UTRN: variants seen among roughly 807,000 people sequenced by gnomAD.
The protein encoded by UTRN is utrophin.
Under a neutral mutation model 463.9 loss-of-function variants are expected in UTRN, and 283 were observed. The ratio of observed to expected loss-of-function variants is 0.61; its 90% confidence interval spans 0.55 to 0.67. The LOEUF is 0.67. Ranked by LOEUF, UTRN falls within the 30% of genes least tolerant of loss-of-function variation. The probability of loss-of-function intolerance (pLI) is 0.00; values close to 1 mark genes in which losing one functional copy is unlikely to be tolerated. For synonymous variants in UTRN, 1,442 were observed against 1,431.5 expected (o/e 1.01, Z -0.17); for missense variants, 3,922 against 4,084.3 (o/e 0.96, Z 1.08).
At chr6:144,727,023 A>C (rs1295674733) in intron 53 of UTRN, among the ~76,000 whole-genome samples, 1 of 152,160 alleles carries the variant, frequency 6.6e-6, no homozygotes, top group African/African-American at 2.4e-5. Context: ...CACAATGCAC[A>C]TTTTGTGGAC....
At chr6:144,641,825 A>G (rs1284858474) in intron 51 of UTRN, among the ~76,000 whole-genome samples, 1 of 152,238 alleles carries the variant, frequency 6.6e-6, no homozygotes, top group African/African-American at 2.4e-5. Context: ...ATTGCCATGA[A>G]TAAAGCGGTT....
Position 144,474,772 on chromosome 6 carries a change from A to T in UTRN, c.3336+13A>T. 6.2e-7 allele frequency: 1 copy of T among 1,610,558 alleles called. No individual in the cohort carries two copies. The highest frequency in any genetic ancestry group is 1.3e-5 in the African/African-American group (1 of 74,794). Reference sequence around the variant, plus strand: ...ACTTAGCAAGGAGGTGAGTTTTTCAACTTTACTACCTACGGTTTTCAGGAG... The same window carrying T: ...ACTTAGCAAGGAGGTGAGTTTTTCATCTTTACTACCTACGGTTTTCAGGAG... On this transcript the variant is annotated intron_variant, in intron 25 of 74. Transcript: ENST00000367545.
rs552875361 is a variant in UTRN at position 144,433,466 on chromosome 6, C to T, written c.856-2469C>T. Among the ~76,000 whole-genome samples, 38 of 142,458 alleles carry T rather than the reference C, an allele frequency of 2.7e-4. 1 individual carries two copies. Among genetic ancestry groups the T allele is most frequent in the South Asian group, 7.0e-4 (3 of 4,300 alleles). The allele number at this position is 142,458 out of a possible 152,430, so 93.5% of individuals were successfully genotyped here. ...GCGGAGGGGCTCCTCACTTCTCAGA[C>T]GGGGCGGTTGCCAGGCAGAGGGTCT... is the stretch of plus-strand genomic sequence containing the variant. On this transcript the variant is annotated intron_variant, in intron 9 of 74. Coordinates refer to ENST00000367545, the MANE Select transcript of UTRN (RefSeq NM_007124.3).
Position 144,415,329 on chromosome 6 carries a change from A to G in UTRN, c.142-6549A>G, listed in dbSNP as rs914383683. On this transcript the variant is annotated intron_variant, in intron 3 of 74. Coordinates refer to ENST00000367545, the MANE Select transcript of UTRN (RefSeq NM_007124.3). ...TGCCGTGAAGTCAAGAGCTGCTTTC[A>G]CCAGCCTTGATTTTCGCATACTGTA... Among the ~76,000 whole-genome samples, 6 of 152,188 alleles carry G rather than the reference A, an allele frequency of 3.9e-5. 1 individual carries two copies. Among genetic ancestry groups the G allele is most frequent in the Admixed American group, 2.6e-4 (4 of 15,278 alleles).
At chr6:144,834,446 T>G (rs763315849) in intron 69 of UTRN, among the ~76,000 whole-genome samples, 1 of 152,218 alleles carries the variant, frequency 6.6e-6, no homozygotes, top group African/African-American at 2.4e-5. Context: ...ACGTTCAGTT[T>G]TCTCAATTGC....
chr6:144,555,650 G>A (rs913906129), intron 49 of UTRN, among the ~76,000 whole-genome samples: 9 of 152,140 alleles, frequency 5.9e-5, no homozygotes, highest in African/African-American at 2.2e-4. Context: ...AGGCTTGTCT[G>A]CAATTCCTGA....
intron 2 of UTRN, among the ~76,000 whole-genome samples, chr6:144,338,614 A>C (rs1776911323): frequency 6.6e-6 from 1 of 152,138 alleles, no homozygotes; most frequent in South Asian, 2.1e-4. Flanking sequence ...GGGCAGGTGC[A>C]GGTTAATAGA....
chr6:144,717,010 A>G (rs1786536821), intron 53 of UTRN, among the ~76,000 whole-genome samples: 1 of 152,246 alleles, frequency 6.6e-6, no homozygotes, highest in Non-Finnish European at 1.5e-5. Context: ...ATATATTCCC[A>G]AAAGTGAAAT....
At chr6:144,796,068 C>T (rs974489234) in intron 63 of UTRN, among the ~76,000 whole-genome samples, 6 of 152,174 alleles carry the variant, frequency 3.9e-5, no homozygotes, top group African/African-American at 1.4e-4. Flanking sequence ...AGTCTTTAAT[C>T]CATCTTGAGT....
At chr6:144,828,034 A>G (rs2128756497) in intron 68 of UTRN, among the ~76,000 whole-genome samples, 1 of 152,264 alleles carries the variant, frequency 6.6e-6, no homozygotes, top group South Asian at 2.1e-4. Flanking sequence ...ATGTAATTAA[A>G]TTTATGCTAA....
At chr6:144,712,170 C>G (rs1005238757) in intron 53 of UTRN, among the ~76,000 whole-genome samples, 1 of 152,212 alleles carries the variant, frequency 6.6e-6, no homozygotes, top group Non-Finnish European at 1.5e-5. Context: ...TCTGTGTTGA[C>G]TTACTCCTTA....
intron 58 of UTRN, among the ~76,000 whole-genome samples, chr6:144,765,680 G>A (rs1268541272): frequency 2.0e-5 from 3 of 152,090 alleles, no homozygotes; most frequent in Non-Finnish European, 4.4e-5. Context: ...CCAAATGCTG[G>A]GATTACAGAC....
intron 51 of UTRN, among the ~76,000 whole-genome samples, chr6:144,603,102 T>A (rs186180853): frequency 6.6e-6 from 1 of 152,324 alleles, no homozygotes; most frequent in African/African-American, 2.4e-5. Context: ...TTTTGTTTGA[T>A]TCTCCCTAAT....
intron 41 of UTRN, among the ~76,000 whole-genome samples, chr6:144,525,231 C>A (rs1294580744): frequency 6.6e-6 from 1 of 152,092 alleles, no homozygotes; most frequent in South Asian, 2.1e-4. Context: ...CCCTCTTTCT[C>A]TATCTTTTGG....
chr6:144,633,465 G>A (rs1413724113), intron 51 of UTRN, among the ~76,000 whole-genome samples: 1 of 151,388 alleles, frequency 6.6e-6, no homozygotes, highest in African/African-American at 2.4e-5. Flanking sequence ...ATCTCCTGAC[G>A]TCGTGATCCG....
At chr6:144,399,723 T>C (rs2114788610) in intron 2 of UTRN, among the ~76,000 whole-genome samples, 1 of 152,342 alleles carries the variant, frequency 6.6e-6, no homozygotes, top group East Asian at 1.9e-4. Context: ...CTAATTTCTC[T>C]GCCACATTTC....
rs139447823 is a variant in UTRN at position 144,383,831 on chromosome 6, T to A, written c.80-19292T>A. On this transcript the variant is annotated intron_variant, in intron 2 of 74. Coordinates refer to ENST00000367545, the MANE Select transcript of UTRN (RefSeq NM_007124.3). ...AGAGGCATGATCAGAGTGAAAACAA[T>A]TCTGATTCTAGAATTCAGGTTACCT... 3.9e-5 allele frequency among the ~76,000 whole-genome samples: 6 copies of A among 152,318 alleles called. No individual in the cohort carries two copies. In the East Asian group the frequency reaches 1.2e-3, roughly 29 times the overall value.
intron 72 of UTRN, 59 bp downstream of exon 72, chr6:144,839,343 TTG>T (rs1781366128): frequency 7.1e-7 from 1 of 1,411,804 alleles, no homozygotes; most frequent in Non-Finnish European, 9.9e-7. Flanking sequence ...TGCCATTAGT[TTG>T]TGTTTCCTGT....
chr6:144,620,826 G>A (rs1172798301), intron 51 of UTRN, among the ~76,000 whole-genome samples: 1 of 152,156 alleles, frequency 6.6e-6, no homozygotes, highest in Non-Finnish European at 1.5e-5. Flanking sequence ...CTGAAACACT[G>A]AGGGAGAAGA....
Sources: allele counts gnomAD v4.1 joint callset (sites outside exome capture counted in the v4.1 genomes callset), GRCh38; gene constraint gnomAD v4.1.1; transcripts MANE v1.5; gene names NCBI Gene and HGNC (gene_info 2026-07-23, HGNC 2026-07-21).